Variants in PKNOX2 observed in about 807,000 individuals in gnomAD.
PKNOX2 encodes homeobox protein PKNOX2.
In PKNOX2, 14 loss-of-function variants were observed where a neutral mutation model predicts 53.1. The ratio of observed to expected loss-of-function variants is 0.26; its 90% CI spans 0.17 to 0.41. The LOEUF (loss-of-function observed/expected upper bound fraction) is 0.41. PKNOX2 is among the 10% of genes least tolerant of loss of function. The pLI is 1.00. For synonymous variants in PKNOX2, 257 were observed against 242.8 expected (o/e 1.06, Z -0.54); for missense variants, 496 against 602.8 (o/e 0.82, Z 1.85).
chr11:125,364,471 A>G (rs913656001), intron 4 of PKNOX2, among the ~76,000 whole-genome samples: 48 of 152,184 alleles, frequency 3.2e-4, no homozygotes, highest in African/African-American at 1.1e-3. Flanking sequence ...CCTTTCCCCA[A>G]AGTCCTGCCT....
chr11:125,279,040 C>A (rs1946370155), intron 2 of PKNOX2, among the ~76,000 whole-genome samples: 1 of 152,188 alleles, frequency 6.6e-6, no homozygotes, highest in Non-Finnish European at 1.5e-5. Context: ...ACCATGTTTG[C>A]CCCCAACAGG....
chr11:125,304,163 T>A (rs2135972075), intron 2 of PKNOX2, among the ~76,000 whole-genome samples: 1 of 152,230 alleles, frequency 6.6e-6, no homozygotes, highest in East Asian at 1.9e-4. Context: ...GGGGGCTGCT[T>A]GGAAATGGAT....
intron 10 of PKNOX2, among the ~76,000 whole-genome samples, chr11:125,412,842 G>A (rs973378878): frequency 7.2e-5 from 11 of 152,162 alleles, no homozygotes; most frequent in South Asian, 4.1e-4. Flanking sequence ...GAGAAAAATC[G>A]AATGGGCCAT....
chr11:125,247,456 C>T (rs2135646975), intron 2 of PKNOX2, among the ~76,000 whole-genome samples: 1 of 152,292 alleles, frequency 6.6e-6, no homozygotes, highest in African/African-American at 2.4e-5. Flanking sequence ...AGTATGATGT[C>T]CTAGAGCCAG....
intron 2 of PKNOX2, among the ~76,000 whole-genome samples, chr11:125,261,705 C>T (rs771773952): frequency 6.6e-6 from 1 of 152,190 alleles, no homozygotes; most frequent in African/African-American, 2.4e-5. Context: ...CTGCAACTGA[C>T]CAGCTGGTCT....
At chr11:125,363,103 C>G (rs1439517829) in intron 4 of PKNOX2, among the ~76,000 whole-genome samples, 1 of 152,196 alleles carries the variant, frequency 6.6e-6, no homozygotes, top group East Asian at 1.9e-4. Context: ...GAGGTGATGG[C>G]CCCAGGGTCT....
intron 1 of PKNOX2, among the ~76,000 whole-genome samples, chr11:125,167,531 C>G (rs1954981058): frequency 6.6e-6 from 1 of 152,170 alleles, no homozygotes; most frequent in African/African-American, 2.4e-5. Context: ...GCTTGAAAGC[C>G]AAGAGAAAGA....
At chr11:125,410,429 G>C in intron 8 of PKNOX2, 104 bp downstream of exon 8, 1 of 1,471,886 alleles carries the variant, frequency 6.8e-7, no homozygotes, top group Non-Finnish European at 9.2e-7. Context: ...ACCGAGGGAG[G>C]GGCTCCCAGC....
intron 7 of PKNOX2, among the ~76,000 whole-genome samples, chr11:125,406,034 C>A (rs1402550975): frequency 6.6e-6 from 1 of 152,208 alleles, no homozygotes; most frequent in African/African-American, 2.4e-5. Flanking sequence ...ACCAAACACT[C>A]TTCTCACTTC....
Position 125,370,449 on chromosome 11 carries a change from T to G in PKNOX2, c.227+2464T>G, listed in dbSNP as rs1952463245. On this transcript the variant is annotated intron_variant, in intron 5 of 12. Coordinates refer to ENST00000298282, the MANE Select transcript of PKNOX2 (RefSeq NM_001382323.2). This position sits in a 1 kb window ranked among gnomAD's most constrained non-coding sequence, Gnocchi z 4.1. Reference sequence around the variant, plus strand: ...CCTTTCTGCAATTAACACTTCTTCCTACTCCCCTTCCCTCCTGGGCTTTAT... The same window carrying G: ...CCTTTCTGCAATTAACACTTCTTCCGACTCCCCTTCCCTCCTGGGCTTTAT... Among the ~76,000 whole-genome samples the G allele has an allele frequency of 6.6e-6, 1 of 152,238 alleles. No homozygotes were observed. The highest frequency in any genetic ancestry group is 2.1e-4 in the South Asian group (1 of 4,832).
chr11:125,258,822 A>C lies in PKNOX2; in HGVS notation c.-130+23707A>C, dbSNP rs149594592. 2.7e-3 allele frequency: 880 copies of C among 327,246 alleles called. 15 individuals are homozygous for C. Among genetic ancestry groups the C allele is most frequent in the African/African-American group, 0.018 (834 of 45,534 alleles). 20.3% of individuals were successfully genotyped at this position (327,246 alleles called of 1,614,324 possible). ...GGTCACCCAAGTCCTCTTTAACCCAAACCAGAAGTTGCTTTGGGTCCCCTG... is the reference window on the plus strand; with the variant it reads ...GGTCACCCAAGTCCTCTTTAACCCACACCAGAAGTTGCTTTGGGTCCCCTG... On this transcript the variant is annotated intron_variant, in intron 2 of 12. Transcript: ENST00000298282.
intron 2 of PKNOX2, among the ~76,000 whole-genome samples, chr11:125,284,474 A>T (rs539664695): frequency 6.6e-6 from 1 of 152,318 alleles, no homozygotes; most frequent in East Asian, 1.9e-4. Flanking sequence ...CAGAGAACCA[A>T]CTTAAGCCTG....
rs150838897 is a variant in PKNOX2 at position 125,194,856 on chromosome 11, A to T, written c.-201+30080A>T. Among the ~76,000 whole-genome samples, 40 of 152,282 alleles carry T rather than the reference A, an allele frequency of 2.6e-4. No homozygotes were observed. The East Asian group carries it at 6.8e-3, about 26-fold the overall frequency. On this transcript the variant is annotated intron_variant, in intron 1 of 12. Transcript: ENST00000298282. ...TGCTGTGTATGCTCCAGCTAATTTAATTCTCACCACAAACCCTCCAGATAA... is the reference window on the plus strand; with the variant it reads ...TGCTGTGTATGCTCCAGCTAATTTATTTCTCACCACAAACCCTCCAGATAA...
chr11:125,293,782 GACACGCTCACACAC>G (rs1394720471), intron 2 of PKNOX2, among the ~76,000 whole-genome samples: 137 of 149,462 alleles, frequency 9.2e-4, no homozygotes, highest in Middle Eastern at 3.5e-3. Context: ...TACTGACACA[GACACGCTCACACAC>G]ACACGCTCAC....
chr11:125,192,147 G>C (rs762139293), intron 1 of PKNOX2, among the ~76,000 whole-genome samples: 3 of 152,224 alleles, frequency 2.0e-5, no homozygotes, highest in African/African-American at 2.4e-5. Flanking sequence ...CAGGAATCTG[G>C]CTTCTATTCC....
intron 1 of PKNOX2, among the ~76,000 whole-genome samples, chr11:125,183,759 A>G (rs527499092): frequency 6.6e-6 from 1 of 151,924 alleles, no homozygotes; most frequent in Non-Finnish European, 1.5e-5. Flanking sequence ...CAGAGAGAAT[A>G]TTTTTCTGGA....
chr11:125,394,367 G>A (rs955888060), intron 6 of PKNOX2, among the ~76,000 whole-genome samples: 9 of 152,324 alleles, frequency 5.9e-5, no homozygotes, highest in Non-Finnish European at 1.2e-4. Flanking sequence ...CCACAGAGGT[G>A]GTACTTCTTA....
chr11:125,419,875 GA>G (rs1956079642), intron 10 of PKNOX2, among the ~76,000 whole-genome samples: 1 of 97,196 alleles, frequency 1.0e-5, no homozygotes, highest in African/African-American at 4.0e-5. Flanking sequence ...TTTAAAAAAA[GA>G]AAAAATTAAA....
intron 10 of PKNOX2, among the ~76,000 whole-genome samples, chr11:125,423,005 C>T (rs1340431249): frequency 6.6e-6 from 1 of 151,820 alleles, no homozygotes. Context: ...AAATAGCTTT[C>T]GTATATTAAC....
Sources: allele counts gnomAD v4.1 joint callset (sites outside exome capture counted in the v4.1 genomes callset), GRCh38; gene constraint gnomAD v4.1.1; non-coding constraint Gnocchi (gnomAD v3.1); transcripts MANE v1.5; gene names NCBI Gene and HGNC (gene_info 2026-07-23, HGNC 2026-07-21).